SGCZ: variants seen among roughly 807,000 people sequenced by gnomAD.
SGCZ encodes zeta-sarcoglycan.
SGCZ carries 40 observed loss-of-function variants against 41.3 expected under a neutral mutation model. The ratio of observed to expected loss-of-function variants is 0.97; its 90% CI spans 0.75 to 1.26. The LOEUF (loss-of-function observed/expected upper bound fraction) is 1.26, where lower values mean the gene tolerates loss of function less well. Among genes scored for constraint, SGCZ ranks in the 50% most tolerant of loss-of-function variants. The probability of loss-of-function intolerance (pLI) is 0.00; values close to 1 mark genes in which losing one functional copy is unlikely to be tolerated. For missense variants in SGCZ, 552 were observed against 369.8 expected (o/e 1.49, Z -4.04); for synonymous variants, 206 against 137.5 (o/e 1.50, Z -3.49).
intron 3 of SGCZ, among the ~76,000 whole-genome samples, chr8:14,279,341 T>C (rs1410291629): frequency 6.6e-6 from 1 of 152,044 alleles, no homozygotes; most frequent in Non-Finnish European, 1.5e-5. Context: ...CAACTACAGA[T>C]AGCAATAGCC....
chr8:14,139,859 A>C (rs926592690), intron 5 of SGCZ, among the ~76,000 whole-genome samples: 10 of 152,198 alleles, frequency 6.6e-5, no homozygotes, highest in African/African-American at 2.4e-4. Flanking sequence ...TCCTGACACC[A>C]AAGCCTGGCA....
At chr8:14,476,138 C>G (rs1362925717) in intron 2 of SGCZ, among the ~76,000 whole-genome samples, 1 of 152,112 alleles carries the variant, frequency 6.6e-6, no homozygotes, top group African/African-American at 2.4e-5. Context: ...TAAGGAATGC[C>G]CTGACGGCTG....
At chr8:14,993,566 T>A (rs894627930) in intron 1 of SGCZ, among the ~76,000 whole-genome samples, 1 of 152,172 alleles carries the variant, frequency 6.6e-6, no homozygotes, top group Non-Finnish European at 1.5e-5. Flanking sequence ...GAGGGATACA[T>A]ACTCAAAATG....
rs777543277 is a variant in SGCZ at position 14,090,477 on chromosome 8, C to A, written c.905G>T (p.Cys302Phe). 6.2e-7 allele frequency: 1 copy of A among 1,612,908 alleles called. No individual in the cohort carries two copies. Among genetic ancestry groups the A allele is most frequent in the South Asian group, 1.1e-5 (1 of 91,042 alleles). ...YLSPAGVGST[C>F]QSSSNICLWS Reference sequence around the variant, plus strand: ...CAGGCAGATGTTGCTACTGGACTGACAAGTGGAACCTACTCCTGCTGGAGA... The same window carrying A: ...CAGGCAGATGTTGCTACTGGACTGAAAAGTGGAACCTACTCCTGCTGGAGA... Residue 302 changes from cysteine to phenylalanine, a missense_variant, in exon 8 of 8, where the codon TGT (cysteine) becomes TTT (phenylalanine). Physicochemically the swap from Cys to Phe is radical, Grantham distance 205 (BLOSUM62 -2). Coordinates refer to ENST00000382080, the MANE Select transcript of SGCZ (RefSeq NM_139167.4).
intron 2 of SGCZ, among the ~76,000 whole-genome samples, chr8:14,518,240 T>C (rs1487886162): frequency 6.6e-6 from 1 of 152,034 alleles, no homozygotes; most frequent in East Asian, 1.9e-4. Context: ...TTGCTATTGT[T>C]GGATTTCAAA....
chr8:14,109,469 CT>C, intron 5 of SGCZ, among the ~76,000 whole-genome samples: 1 of 152,182 alleles, frequency 6.6e-6, no homozygotes, highest in East Asian at 1.9e-4. Flanking sequence ...GTTTTCTGGT[CT>C]AATCTTCTTC....
intron 1 of SGCZ, among the ~76,000 whole-genome samples, chr8:15,219,226 G>T (rs911196693): frequency 6.6e-6 from 1 of 152,070 alleles, no homozygotes. Flanking sequence ...GTCTCTCAGG[G>T]ATCATACATG....
intron 2 of SGCZ, among the ~76,000 whole-genome samples, chr8:14,348,799 A>T (rs527630368): frequency 6.6e-6 from 1 of 152,184 alleles, no homozygotes. Flanking sequence ...AAAAGGTTAA[A>T]GTACTGCTTT....
chr8:14,182,804 G>T (rs982154695), intron 4 of SGCZ, among the ~76,000 whole-genome samples: 2 of 151,972 alleles, frequency 1.3e-5, no homozygotes, highest in African/African-American at 4.8e-5. Context: ...GAGGTCAGAA[G>T]TTCAAGACCA....
At chr8:14,334,899 G>T (rs1362115626) in intron 2 of SGCZ, among the ~76,000 whole-genome samples, 1 of 152,054 alleles carries the variant, frequency 6.6e-6, no homozygotes, top group Non-Finnish European at 1.5e-5. Context: ...GTGTGCCTGT[G>T]TGTATTTCCG....
At chr8:15,031,799 G>A (rs1203090179) in intron 1 of SGCZ, among the ~76,000 whole-genome samples, 1 of 152,088 alleles carries the variant, frequency 6.6e-6, no homozygotes, top group Non-Finnish European at 1.5e-5. Context: ...CAGGATACAT[G>A]AGGACATAGC....
intron 1 of SGCZ, among the ~76,000 whole-genome samples, chr8:15,200,020 G>T (rs1477633112): frequency 6.6e-6 from 1 of 152,086 alleles, no homozygotes; most frequent in African/African-American, 2.4e-5. Flanking sequence ...ATACTTTCTT[G>T]TTTCTTGGTT....
chr8:14,533,033 T>C (rs930524319), intron 2 of SGCZ, among the ~76,000 whole-genome samples: 1 of 152,084 alleles, frequency 6.6e-6, no homozygotes, highest in Non-Finnish European at 1.5e-5. Context: ...CTAGTGTACA[T>C]GTGCACAAGG....
chr8:14,358,980 T>C (rs974417538), intron 2 of SGCZ, among the ~76,000 whole-genome samples: 2 of 152,176 alleles, frequency 1.3e-5, no homozygotes, highest in Non-Finnish European at 2.9e-5. Context: ...ACCTGCTCTT[T>C]TGTTTTTTGA....
At chr8:14,553,141 G>A (rs764235189) in intron 2 of SGCZ, among the ~76,000 whole-genome samples, 10 of 152,050 alleles carry the variant, frequency 6.6e-5, no homozygotes, top group African/African-American at 1.4e-4. Flanking sequence ...AATGACTCCT[G>A]AAGGACACCC....
intron 1 of SGCZ, among the ~76,000 whole-genome samples, chr8:14,762,876 A>T (rs1218239685): frequency 6.6e-6 from 1 of 152,188 alleles, no homozygotes; most frequent in Non-Finnish European, 1.5e-5. Flanking sequence ...GAAAGAGCAT[A>T]GGGTTTGGAG....
intron 1 of SGCZ, among the ~76,000 whole-genome samples, chr8:14,734,082 C>T (rs1391879005): frequency 3.3e-5 from 5 of 152,138 alleles, no homozygotes; most frequent in African/African-American, 1.2e-4. Context: ...ATCACGGAAA[C>T]AGCAATCATG....
chr8:14,248,754 C>CTT (rs35547590), intron 3 of SGCZ, among the ~76,000 whole-genome samples: 216 of 150,124 alleles, frequency 1.4e-3, no homozygotes, highest in African/African-American at 4.8e-3. Flanking sequence ...GAAAAAAAAT[C>CTT]TTTTTTTTTC....
intron 1 of SGCZ, among the ~76,000 whole-genome samples, chr8:15,158,996 C>A (rs1213417333): frequency 6.6e-6 from 1 of 152,134 alleles, no homozygotes; most frequent in Non-Finnish European, 1.5e-5. Context: ...TTTTTGTCTG[C>A]AAATGATCAA....
Sources: gnomAD v4.1 joint callset for allele counts (sites outside exome capture counted in the v4.1 genomes callset) on GRCh38, gnomAD v4.1.1 for gene constraint, MANE v1.5 for transcripts, NCBI Gene and HGNC (gene_info 2026-07-23, HGNC 2026-07-21) for gene names.